Variants in SEZ6 observed in about 807,000 individuals in gnomAD.
SEZ6 encodes seizure protein 6 homolog.
Under a neutral mutation model 101.0 loss-of-function variants are expected in SEZ6, and 53 were observed. That is an observed-to-expected ratio of 0.52 (90% confidence interval 0.42 to 0.66). The LOEUF (loss-of-function observed/expected upper bound fraction) is 0.66. Ranked by LOEUF, SEZ6 falls within the 30% of genes least tolerant of loss-of-function variation. The pLI, the probability that SEZ6 is intolerant of heterozygous loss-of-function variation, is 0.00. For synonymous variants in SEZ6, 488 were observed against 512.2 expected (o/e 0.95, Z 0.64); for missense variants, 1,102 against 1,289.4 (o/e 0.85, Z 2.23).
intron 11 of SEZ6, 160 bp from the exon 12 acceptor site, chr17:28,957,699 C>T: frequency 1.1e-6 from 1 of 907,832 alleles, no homozygotes; most frequent in Non-Finnish European, 1.6e-6. Context: ...CCCCATTTGT[C>T]CCCTTCCCAT....
In SEZ6 at chr17:28,980,006, C is replaced by CT. The variant is rs80050742; in HGVS notation, c.725-194dup. Among the ~76,000 whole-genome samples the CT allele has an allele frequency of 6.8e-3, 938 of 138,026 alleles. 8 individuals carry two copies. Among genetic ancestry groups the CT allele is most frequent in the African/African-American group, 8.5e-3 (323 of 37,824 alleles). The allele number at this position is 138,026 out of a possible 152,430, so 90.6% of individuals were successfully genotyped here. A position where few individuals can be genotyped will look rare whatever the true frequency, so the allele number is the denominator to read the frequency against. Reference sequence around the variant, plus strand: ...TTATTAGGCACCTACCATGTGCAATCTTTTTTTTTTTTTTGTATTTTTAGT... The same window carrying CT: ...TTATTAGGCACCTACCATGTGCAATCTTTTTTTTTTTTTTTGTATTTTTAGT... On this transcript the variant is annotated intron_variant, in intron 2 of 16. Transcript: ENST00000317338.
At chr17:28,956,590 G>A in intron 14 of SEZ6, 123 bp from the exon 15 acceptor site, 1 of 1,487,572 alleles carries the variant, frequency 6.7e-7, no homozygotes, top group South Asian at 1.2e-5. Flanking sequence ...TAGGGAAGGA[G>A]CTTTTTAACC....
rs1445259936 is a variant in SEZ6 at position 28,957,479 on chromosome 17, T to C, written c.2363A>G (p.Lys788Arg). ...EHSRRLISSPKFPVGATVQYI... is the reference protein window; with the variant it reads ...EHSRRLISSPRFPVGATVQYI... ...TTGCACGGTGGCCCCCACGGGAAACTTGGGGCTGGATATGAGGCGTCGGCT... is the reference window on the plus strand; with the variant it reads ...TTGCACGGTGGCCCCCACGGGAAACCTGGGGCTGGATATGAGGCGTCGGCT... Residue 788 changes from lysine (K) to arginine (R), a missense_variant, in exon 12 of 17, where the codon AAG (lysine) becomes AGG (arginine). Lys to Arg is a conservative substitution (Grantham distance 26). Around this residue, in one of 3 missense-constraint regions of SEZ6, gnomAD observed 556 missense variants for 735.1 expected, o/e 0.76. Coordinates refer to ENST00000317338, the MANE Select transcript of SEZ6 (RefSeq NM_178860.5). The C allele has an allele frequency of 1.2e-6, 2 of 1,613,800 alleles. No homozygotes were observed. The highest frequency in any genetic ancestry group is 2.2e-5 in the East Asian group (1 of 44,866).
At chr17:28,987,524 T>C (rs1229236962) in intron 1 of SEZ6, among the ~76,000 whole-genome samples, 1 of 152,130 alleles carries the variant, frequency 6.6e-6, no homozygotes, top group Non-Finnish European at 1.5e-5. Context: ...CATCTGCTTG[T>C]ATTGACAGGG....
In SEZ6 at chr17:28,956,769, G is replaced by T. The variant is rs1302624239; in HGVS notation, c.2693-12C>A. On this transcript the variant is annotated splice_polypyrimidine_tract_variant and intron_variant, in intron 13 of 16. Transcript: ENST00000317338. Reference sequence around the variant, plus strand: ...CCCATCCAGAGAGGCTGGAACAAAAGGGGAGGGCCAAGGGCAGTGAGTGAG... The same window carrying T: ...CCCATCCAGAGAGGCTGGAACAAAATGGGAGGGCCAAGGGCAGTGAGTGAG... The T allele has an allele frequency of 1.3e-6, 2 of 1,561,388 alleles. No homozygotes were observed. The highest frequency in any genetic ancestry group is 2.4e-5 in the East Asian group (1 of 41,736).
At chr17:29,000,216 AGTG>A (rs1326832301) in intron 1 of SEZ6, among the ~76,000 whole-genome samples, 68 of 152,352 alleles carry the variant, frequency 4.5e-4, no homozygotes, top group Middle Eastern at 3.4e-3. Flanking sequence ...TTCTGCCTGT[AGTG>A]AAGCTCTCCC....
At chr17:28,991,697 T>A (rs2152691688) in intron 1 of SEZ6, among the ~76,000 whole-genome samples, 1 of 152,210 alleles carries the variant, frequency 6.6e-6, no homozygotes, top group South Asian at 2.1e-4. Context: ...CGGCTTGGGA[T>A]TGGCAGGGAG....
In SEZ6 at chr17:29,005,783, C is replaced by G; in HGVS notation, c.55+32G>C. On this transcript the variant is annotated intron_variant, in intron 1 of 16. Transcript: ENST00000317338. The surrounding 1 kb of genome is among the most constrained non-coding windows in gnomAD (Gnocchi z 4.8). ...CACCCCTGGGGCCCCGCTCCCGCCC[C>G]CGTCCTGCCGCCGGATGCCGGGGTC... 6.8e-7 allele frequency: 1 copy of G among 1,478,280 alleles called. No homozygotes were observed. The highest frequency in any genetic ancestry group is 9.0e-7 in the Non-Finnish European group (1 of 1,114,306). The allele number at this position is 1,478,280 out of a possible 1,614,324, so 91.6% of individuals were successfully genotyped here. A position where few individuals can be genotyped will look rare whatever the true frequency, so the allele number is the denominator to read the frequency against.
chr17:28,982,080 CA>C, intron 1 of SEZ6, 41 bp from the exon 2 acceptor site: 1 of 1,528,424 alleles, frequency 6.5e-7, no homozygotes, highest in Non-Finnish European at 8.8e-7. Context: ...CCCCCTGCTC[CA>C]GAGAGCAGCA....
At position 28,959,657 on chromosome 17, in the gene SEZ6, T is replaced by A; in HGVS notation, c.1771+41A>T. On this transcript the variant is annotated intron_variant, in intron 8 of 16. Transcript: ENST00000317338. This position sits in a 1 kb window ranked among gnomAD's most constrained non-coding sequence, Gnocchi z 4.4. Reference sequence around the variant, plus strand: ...TGCTGCTATTCTCCTGGTATGACCCTGCCTTTTGCCCGGTAGGCCCATCCA... The same window carrying A: ...TGCTGCTATTCTCCTGGTATGACCCAGCCTTTTGCCCGGTAGGCCCATCCA... 1 of 1,550,458 alleles carries A rather than the reference T, an allele frequency of 6.4e-7. No homozygotes were observed. Among genetic ancestry groups the A allele is most frequent in the Non-Finnish European group, 8.7e-7 (1 of 1,148,214 alleles).
chr17:28,999,632 A>C (rs1324163820), intron 1 of SEZ6, among the ~76,000 whole-genome samples: 2 of 151,972 alleles, frequency 1.3e-5, no homozygotes, highest in Non-Finnish European at 2.9e-5. Flanking sequence ...TCCTCCCCCC[A>C]CAGGTCTGGT....
intron 5 of SEZ6, among the ~76,000 whole-genome samples, chr17:28,961,511 GA>G (rs530322226): frequency 1.6e-4 from 25 of 152,068 alleles, no homozygotes; most frequent in Non-Finnish European, 1.5e-4. Context: ...ATGAGTGAAT[GA>G]ATGTAAAAAG....
intron 1 of SEZ6, among the ~76,000 whole-genome samples, chr17:28,983,380 C>T (rs187580343): frequency 6.6e-6 from 1 of 152,228 alleles, no homozygotes; most frequent in East Asian, 1.9e-4. Flanking sequence ...CTCCCTAATC[C>T]ATGGCAGGCA....
intron 1 of SEZ6, among the ~76,000 whole-genome samples, chr17:28,993,849 T>TC (rs2041499685): frequency 6.6e-6 from 1 of 152,226 alleles, no homozygotes; most frequent in Non-Finnish European, 1.5e-5. Context: ...AGCACACGTG[T>TC]CCACTTTTGA....
At chr17:28,983,782 G>T (rs1438252446) in intron 1 of SEZ6, among the ~76,000 whole-genome samples, 1 of 152,044 alleles carries the variant, frequency 6.6e-6, no homozygotes, top group African/African-American at 2.4e-5. Flanking sequence ...GCCGGGGTGA[G>T]ATCACAGAGT....
Position 28,981,398 on chromosome 17 carries a change from T to C in SEZ6, c.697A>G (p.Thr233Ala), listed in dbSNP as rs1234290927. The C allele has an allele frequency of 1.3e-6, 2 of 1,552,320 alleles. No homozygotes were observed. Among genetic ancestry groups the C allele is most frequent in the Non-Finnish European group, 1.7e-6 (2 of 1,147,246 alleles). ...GGTGTCTGGACTGTGGTGATGGTGG[T>C]GGTGATGATGGTGGTGGTAGTGGTG... is the stretch of plus-strand genomic sequence containing the variant. The part of the protein sequence containing the change: ...ETTTTTTIIT[T>A]TITTVQTPGP... Residue 233 changes from threonine (T) to alanine (A), a missense_variant, in exon 2 of 17, where the codon ACC becomes GCC. By Grantham distance (58) the Thr-to-Ala change is moderately conservative. Coordinates refer to ENST00000317338, the MANE Select transcript of SEZ6 (RefSeq NM_178860.5).
At chr17:28,999,490 G>A (rs964391320) in intron 1 of SEZ6, among the ~76,000 whole-genome samples, 2 of 151,890 alleles carry the variant, frequency 1.3e-5, no homozygotes, top group African/African-American at 2.4e-5. Context: ...CTGGAGACCC[G>A]GATTGTTGTT....
At chr17:29,001,551 G>A (rs1036745674) in intron 1 of SEZ6, among the ~76,000 whole-genome samples, 11 of 152,220 alleles carry the variant, frequency 7.2e-5, no homozygotes, top group South Asian at 2.1e-4. Context: ...TACTTGAAGC[G>A]TGAGGTAGAG....
intron 1 of SEZ6, among the ~76,000 whole-genome samples, chr17:28,990,165 C>T (rs2041437302): frequency 6.6e-6 from 1 of 152,224 alleles, no homozygotes; most frequent in African/African-American, 2.4e-5. Context: ...GCATAGTTAG[C>T]AGCCGTTATT....
Sources: allele counts gnomAD v4.1 joint callset (sites outside exome capture counted in the v4.1 genomes callset), GRCh38; gene constraint gnomAD v4.1.1; regional missense constraint gnomAD v4.1.1; non-coding constraint Gnocchi (gnomAD v3.1); transcripts MANE v1.5; gene names NCBI Gene and HGNC (gene_info 2026-07-23, HGNC 2026-07-21).